The following ROBO2 variants were observed in gnomAD, a reference collection of about 807,000 sequenced individuals.
ROBO2 encodes the protein roundabout homolog 2.
In ROBO2, 53 loss-of-function variants were observed where a neutral mutation model predicts 160.8. That is an observed-to-expected ratio of 0.33 (90% CI 0.26 to 0.41). The LOEUF is 0.41. ROBO2 is among the 10% of genes least tolerant of loss of function. ROBO2 has a pLI of 1.00. For synonymous variants in ROBO2, 664 were observed against 611.7 expected (o/e 1.09, Z -1.26); for missense variants, 1,577 against 1,722.4 (o/e 0.92, Z 1.49).
intron 2 of ROBO2, among the ~76,000 whole-genome samples, chr3:76,341,803 A>T (rs1381137444): frequency 6.6e-6 from 1 of 152,172 alleles, no homozygotes; most frequent in African/African-American, 2.4e-5. Context: ...AATGGGACGT[A>T]AAAAAAGTGA....
At chr3:77,365,803 T>G (rs1291911276) in intron 2 of ROBO2, among the ~76,000 whole-genome samples, 1 of 152,036 alleles carries the variant, frequency 6.6e-6, no homozygotes, top group African/African-American at 2.4e-5. Flanking sequence ...ACGTGATTTA[T>G]TCTAACCAAC....
At chr3:76,838,464 T>A (rs1305108454) in intron 2 of ROBO2, among the ~76,000 whole-genome samples, 1 of 152,086 alleles carries the variant, frequency 6.6e-6, no homozygotes, top group Non-Finnish European at 1.5e-5. Context: ...TTTTTCAAAT[T>A]ACAAACAAGT....
chr3:77,001,162 A>C (rs1056262351), intron 2 of ROBO2, among the ~76,000 whole-genome samples: 1 of 152,194 alleles, frequency 6.6e-6, no homozygotes, highest in Non-Finnish European at 1.5e-5. Flanking sequence ...TGCATAAATG[A>C]AATCTGATAC....
chr3:76,024,164 A>T (rs1454208077), intron 2 of ROBO2, among the ~76,000 whole-genome samples: 1 of 151,506 alleles, frequency 6.6e-6, no homozygotes, highest in East Asian at 1.9e-4. Flanking sequence ...TGTAATATAT[A>T]TTTAGAAGTA....
intron 2 of ROBO2, among the ~76,000 whole-genome samples, chr3:76,899,877 T>G (rs2075095578): frequency 6.6e-6 from 1 of 152,158 alleles, no homozygotes; most frequent in African/African-American, 2.4e-5. Context: ...ATATATTTTT[T>G]AACCATAGGG....
intron 2 of ROBO2, among the ~76,000 whole-genome samples, chr3:76,940,512 A>C (rs990153029): frequency 1.3e-5 from 2 of 152,196 alleles, no homozygotes; most frequent in Admixed American, 6.5e-5. Flanking sequence ...GTTTTACCAA[A>C]AGTGCTTTTT....
At chr3:77,473,590 A>ACTG (rs1216255154) in intron 2 of ROBO2, among the ~76,000 whole-genome samples, 2 of 150,662 alleles carry the variant, frequency 1.3e-5, no homozygotes, top group Non-Finnish European at 3.0e-5. Flanking sequence ...AGTAGCTGGG[A>ACTG]CTACAGGCAC....
chr3:76,863,437 C>CAA (rs1295026229), intron 2 of ROBO2, among the ~76,000 whole-genome samples: 28 of 107,562 alleles, frequency 2.6e-4, no homozygotes, highest in African/African-American at 9.5e-4. Flanking sequence ...GAACCTGTCT[C>CAA]AAAAAAAAAG....
intron 2 of ROBO2, among the ~76,000 whole-genome samples, chr3:76,790,223 C>T (rs924140194): frequency 1.3e-5 from 2 of 151,600 alleles, no homozygotes; most frequent in Non-Finnish European, 3.0e-5. Flanking sequence ...TACATCTCCT[C>T]AGTAACCTGG....
At chr3:76,248,433 T>C (rs903296449) in intron 2 of ROBO2, among the ~76,000 whole-genome samples, 1 of 149,268 alleles carries the variant, frequency 6.7e-6, no homozygotes, top group Admixed American at 6.9e-5. Context: ...TAGGTGGGAA[T>C]TGAACAATGA....
chr3:76,485,284 T>G (rs887508880), intron 2 of ROBO2, among the ~76,000 whole-genome samples: 3 of 151,816 alleles, frequency 2.0e-5, no homozygotes, highest in Non-Finnish European at 2.9e-5. Flanking sequence ...AGGCACTAGA[T>G]TCTCACAAGG....
chr3:76,404,099 G>A (rs12714438), intron 2 of ROBO2, among the ~76,000 whole-genome samples: 28,047 of 151,396 alleles, frequency 0.19, 3,062 homozygotes, highest in African/African-American at 0.3. Context: ...TTCCACATAT[G>A]CAATGCTTAA....
intron 2 of ROBO2, among the ~76,000 whole-genome samples, chr3:76,676,893 A>G (rs1347243289): frequency 2.0e-5 from 3 of 152,022 alleles, no homozygotes; most frequent in Non-Finnish European, 4.4e-5. Flanking sequence ...GTTCATGCCC[A>G]TCACCTGAGG....
chr3:76,913,882 T>C (rs921338956), intron 2 of ROBO2, among the ~76,000 whole-genome samples: 1 of 152,074 alleles, frequency 6.6e-6, no homozygotes, highest in Admixed American at 6.6e-5. Context: ...AACTGAATAA[T>C]ACTCCTTTAG....
chr3:77,118,340 A>C (rs1044715405), intron 2 of ROBO2, among the ~76,000 whole-genome samples: 2 of 152,214 alleles, frequency 1.3e-5, no homozygotes, highest in African/African-American at 4.8e-5. Flanking sequence ...ACAATTTAAA[A>C]AATGAGGGAG....
intron 2 of ROBO2, among the ~76,000 whole-genome samples, chr3:77,160,133 C>A (rs757794090): frequency 4.6e-5 from 7 of 151,858 alleles, no homozygotes; most frequent in African/African-American, 1.7e-4. Flanking sequence ...GTTTCTCTGG[C>A]GATTATTAGC....
At chr3:76,862,189 A>G (rs770452842) in intron 2 of ROBO2, among the ~76,000 whole-genome samples, 10 of 152,108 alleles carry the variant, frequency 6.6e-5, no homozygotes, top group Non-Finnish European at 1.2e-4. Flanking sequence ...TCTACACAAT[A>G]TACATTCTCT....
chr3:77,165,271 T>C, intron 2 of ROBO2, among the ~76,000 whole-genome samples: 2 of 148,318 alleles, frequency 1.3e-5, no homozygotes, highest in African/African-American at 5.0e-5. Flanking sequence ...CCCCCAACCC[T>C]GTGCTCTCTG....
At chr3:77,244,259 CAAAT>C (rs1252463994) in intron 2 of ROBO2, among the ~76,000 whole-genome samples, 2 of 152,020 alleles carry the variant, frequency 1.3e-5, no homozygotes, top group Admixed American at 6.5e-5. Context: ...GCTTTATAAA[CAAAT>C]GAATTAAGTG....
Sources: gnomAD v4.1 joint callset for allele counts (sites outside exome capture counted in the v4.1 genomes callset) on GRCh38, gnomAD v4.1.1 for gene constraint, MANE v1.5 for transcripts, NCBI Gene and HGNC (gene_info 2026-07-23, HGNC 2026-07-21) for gene names.